The following SPSB1 variants were observed in gnomAD, a reference collection of about 807,000 sequenced individuals.
SPSB1 encodes SPRY domain-containing SOCS box protein 1.
In SPSB1, 8 loss-of-function variants were observed where a neutral mutation model predicts 21.2. The observed-to-expected ratio is 0.38, with a 90% CI of 0.22 to 0.68. The LOEUF (loss-of-function observed/expected upper bound fraction) is 0.68. Among genes scored for constraint, SPSB1 ranks in the 30% least tolerant of loss-of-function variants. The pLI is 0.53. For missense variants in SPSB1, 242 were observed against 377.8 expected (o/e 0.64, Z 2.98); for synonymous variants, 169 against 161.7 (o/e 1.05, Z -0.34).
At chr1:9,366,650 T>G (rs9727002) in intron 2 of SPSB1, among the ~76,000 whole-genome samples, 11,990 of 150,448 alleles carry the variant, frequency 0.08, 623 homozygotes, top group Non-Finnish European at 0.11. Flanking sequence ...CTCAGCCCAC[T>G]GCAACCTCCA....
chr1:9,361,303 G>A (rs572772311), intron 2 of SPSB1, among the ~76,000 whole-genome samples: 16 of 151,488 alleles, frequency 1.1e-4, no homozygotes, highest in African/African-American at 2.9e-4. Flanking sequence ...ATGCCCAGCC[G>A]GATCTGTTTT....
At chr1:9,362,658 G>C (rs925985336) in intron 2 of SPSB1, among the ~76,000 whole-genome samples, 7 of 152,342 alleles carry the variant, frequency 4.6e-5, no homozygotes, top group African/African-American at 1.7e-4. Context: ...CCACACTCTT[G>C]AGGCTTGAGT....
intron 1 of SPSB1, among the ~76,000 whole-genome samples, chr1:9,312,776 C>A (rs569798017): frequency 1.2e-4 from 19 of 152,192 alleles, no homozygotes; most frequent in African/African-American, 4.3e-4. Flanking sequence ...TCAACCTGGT[C>A]AGTCTTATTG....
intron 2 of SPSB1, among the ~76,000 whole-genome samples, chr1:9,361,309 GT>G (rs1640474762): frequency 6.6e-6 from 1 of 151,634 alleles, no homozygotes; most frequent in South Asian, 2.1e-4. Context: ...AGCCGGATCT[GT>G]TTTCTTGGTG....
At chr1:9,314,097 A>G (rs1008455573) in intron 1 of SPSB1, among the ~76,000 whole-genome samples, 2 of 151,346 alleles carry the variant, frequency 1.3e-5, no homozygotes, top group Admixed American at 1.3e-4. Context: ...AATTGCTTGA[A>G]CCAAGGAGGC....
At chr1:9,306,551 G>A (rs551584674) in intron 1 of SPSB1, among the ~76,000 whole-genome samples, 1 of 152,268 alleles carries the variant, frequency 6.6e-6, no homozygotes, top group East Asian at 1.9e-4. Flanking sequence ...TACCTATAGG[G>A]TAGGTACTAC....
intron 1 of SPSB1, chr1:9,339,224 C>G: frequency 1.0e-6 from 1 of 985,408 alleles, no homozygotes; most frequent in Non-Finnish European, 1.2e-6. Flanking sequence ...TGGGTCTTTT[C>G]CCAGGCACTT....
At chr1:9,316,556 A>G (rs956877491) in intron 1 of SPSB1, among the ~76,000 whole-genome samples, 3 of 150,812 alleles carry the variant, frequency 2.0e-5, no homozygotes, top group Non-Finnish European at 3.0e-5. Context: ...GATGGCGAGG[A>G]GGGGGGGGCT....
At position 9,317,491 on chromosome 1, in the gene SPSB1, C is replaced by T. The variant is rs917325075; in HGVS notation, c.-150+24420C>T. ...AGGTGAGAACAGACAGGTTTTTTGTCGTTTGTTTTTGAGACAGAGTCTTGC... is the reference window on the plus strand; with the variant it reads ...AGGTGAGAACAGACAGGTTTTTTGTTGTTTGTTTTTGAGACAGAGTCTTGC... On this transcript the variant is annotated intron_variant, in intron 1 of 2. Coordinates refer to ENST00000328089, the MANE Select transcript of SPSB1 (RefSeq NM_025106.4). This position sits in a 1 kb window ranked among gnomAD's most constrained non-coding sequence, Gnocchi z 4.3. 6.6e-6 allele frequency among the ~76,000 whole-genome samples: 1 copy of T among 152,120 alleles called. No homozygotes were observed. The highest frequency in any genetic ancestry group is 1.9e-4 in the East Asian group (1 of 5,170).
intron 2 of SPSB1, among the ~76,000 whole-genome samples, chr1:9,365,185 T>TTACGCAGGCTGGAATACAG (rs1553129365): frequency 6.6e-6 from 1 of 152,178 alleles, no homozygotes; most frequent in Non-Finnish European, 1.5e-5. Flanking sequence ...AAGGTCTCTG[T>TTACGCAGGCTGGAATACAG]TACGCAGGCT....
intron 1 of SPSB1, among the ~76,000 whole-genome samples, chr1:9,330,994 C>A (rs550302064): frequency 1.6e-3 from 236 of 152,076 alleles, no homozygotes; most frequent in African/African-American, 5.2e-3. Flanking sequence ...ATGATATACC[C>A]AGAGTAGTTC....
chr1:9,367,322 A>AT lies in SPSB1; in HGVS notation c.695-121dup. 6.6e-7 allele frequency: 1 copy of AT among 1,525,810 alleles called. No individual in the cohort carries two copies. Among genetic ancestry groups the AT allele is most frequent in the Non-Finnish European group, 8.9e-7 (1 of 1,117,984 alleles). The allele number at this position is 1,525,810 out of a possible 1,614,324, so 94.5% of individuals were successfully genotyped here. A position where few individuals can be genotyped will look rare whatever the true frequency, so the allele number is the denominator to read the frequency against. On this transcript the variant is annotated intron_variant, in intron 2 of 2. Transcript: ENST00000328089. This position sits in a 1 kb window ranked among gnomAD's most constrained non-coding sequence, Gnocchi z 5.9. ...TAAATTTAAAATGAAAAAGCATTGC[A>AT]TTTTTCATTGTTTCTTTACTGATTT...
At chr1:9,311,409 A>C (rs962297952) in intron 1 of SPSB1, among the ~76,000 whole-genome samples, 7 of 152,184 alleles carry the variant, frequency 4.6e-5, no homozygotes, top group African/African-American at 1.7e-4. Context: ...AAAATTTCAA[A>C]CACAGGGCAG....
At position 9,367,490 on chromosome 1, in the gene SPSB1, G is replaced by T. The variant is rs755907132; in HGVS notation, c.737G>T (p.Arg246Leu). ...ATGGATTTGTGCCGTCGCTCGGTGC[G>T]CCTGGCCCTGGGGAGGGAGCGCCTG... The part of the protein sequence containing the change: ...PLMDLCRRSV[R>L]LALGRERLGE... Residue 246 changes from arginine (R) to leucine (L), a missense_variant, in exon 3 of 3, where the codon CGC becomes CTC. Arg to Leu is a moderately radical substitution (Grantham distance 102). Coordinates refer to ENST00000328089, the MANE Select transcript of SPSB1 (RefSeq NM_025106.4). The surrounding 1 kb of genome is among the most constrained non-coding windows in gnomAD (Gnocchi z 5.9). 6.2e-7 allele frequency: 1 copy of T among 1,613,432 alleles called. No homozygotes were observed. The highest frequency in any genetic ancestry group is 2.2e-5 in the East Asian group (1 of 44,880).
At chr1:9,309,859 T>A (rs1369514124) in intron 1 of SPSB1, among the ~76,000 whole-genome samples, 1 of 151,750 alleles carries the variant, frequency 6.6e-6, no homozygotes, top group African/African-American at 2.4e-5. Context: ...TACAGTAGAG[T>A]AGAGTAGAAT....
intron 2 of SPSB1, among the ~76,000 whole-genome samples, chr1:9,359,974 CG>C (rs1377734738): frequency 1.3e-5 from 2 of 152,188 alleles, no homozygotes; most frequent in Admixed American, 6.5e-5. Context: ...CAGGTGAAGG[CG>C]GGGGCTGCTG....
intron 1 of SPSB1, among the ~76,000 whole-genome samples, chr1:9,320,934 G>C (rs969694667): frequency 3.3e-5 from 5 of 150,460 alleles, no homozygotes; most frequent in African/African-American, 7.4e-5. Context: ...CCCCTGCCAG[G>C]CTCCAGTGGA....
At chr1:9,354,299 C>G (rs116483489) in intron 1 of SPSB1, among the ~76,000 whole-genome samples, 2,471 of 152,268 alleles carry the variant, frequency 0.016, 66 homozygotes, top group African/African-American at 0.057. Context: ...GCGTGACTCT[C>G]TCCCGGCAGC....
At chr1:9,329,704 CAA>C (rs370850231) in intron 1 of SPSB1, among the ~76,000 whole-genome samples, 8,436 of 86,940 alleles carry the variant, frequency 0.097, 826 homozygotes, top group African/African-American at 0.24. Context: ...AAAACAACAA[CAA>C]AAAAAAAAAA....
Sources: gnomAD v4.1 joint callset for allele counts (sites outside exome capture counted in the v4.1 genomes callset) on GRCh38, gnomAD v4.1.1 for gene constraint, Gnocchi (gnomAD v3.1) non-coding constraint, MANE v1.5 for transcripts, NCBI Gene and HGNC (gene_info 2026-07-23, HGNC 2026-07-21) for gene names.